Variants in MACROD2 observed in about 807,000 individuals in gnomAD.
The protein encoded by MACROD2 is mono-ADP ribosylhydrolase 2, also known as ADP-ribose glycohydrolase MACROD2.
A neutral mutation model predicts 70.4 loss-of-function variants in MACROD2; 36 were observed. The ratio of observed to expected loss-of-function variants is 0.51; its 90% CI spans 0.39 to 0.68. The LOEUF is 0.68. Ranked by LOEUF, MACROD2 falls within the 30% of genes least tolerant of loss-of-function variation. The probability of loss-of-function intolerance (pLI) is 0.00; values close to 1 mark genes in which losing one functional copy is unlikely to be tolerated. For synonymous variants in MACROD2, 172 were observed against 178.8 expected, an observed-to-expected ratio of 0.96 and a Z score of 0.30; for missense variants, 496 against 538.4, an observed-to-expected ratio of 0.92 and a Z score of 0.78.
chr20:15,842,886 T>A (rs2064189384), intron 8 of MACROD2, among the ~76,000 whole-genome samples: 2 of 152,308 alleles, frequency 1.3e-5, no homozygotes, highest in South Asian at 4.1e-4. Context: ...CTTTAGTTGA[T>A]AAGCTAGGTG....
intron 8 of MACROD2, among the ~76,000 whole-genome samples, chr20:15,795,862 CA>C (rs2063668435): frequency 6.6e-6 from 1 of 152,160 alleles, no homozygotes; most frequent in Non-Finnish European, 1.5e-5. Flanking sequence ...TCAATCAGCC[CA>C]AAAGGCCTCC....
intron 3 of MACROD2, among the ~76,000 whole-genome samples, chr20:14,456,899 A>G (rs2084309727): frequency 6.6e-6 from 1 of 151,682 alleles, no homozygotes; most frequent in Non-Finnish European, 1.5e-5. Context: ...TTGTATTTTT[A>G]GTAGAGACGG....
intron 3 of MACROD2, among the ~76,000 whole-genome samples, chr20:14,374,056 G>A (rs181159382): frequency 1.3e-5 from 2 of 151,992 alleles, no homozygotes; most frequent in East Asian, 1.9e-4. Flanking sequence ...ATTTACTTGC[G>A]ATTGTGTAGA....
At chr20:15,327,582 T>C (rs1272700250) in intron 6 of MACROD2, among the ~76,000 whole-genome samples, 2 of 152,044 alleles carry the variant, frequency 1.3e-5, no homozygotes, top group African/African-American at 4.8e-5. Context: ...TCACGAGAAC[T>C]CACTCACTAT....
At chr20:15,470,409 C>T (rs933429749) in intron 7 of MACROD2, among the ~76,000 whole-genome samples, 15 of 152,164 alleles carry the variant, frequency 9.9e-5, no homozygotes, top group Non-Finnish European at 2.1e-4. Context: ...TTTGTTTCAC[C>T]TTGTCACTGT....
intron 4 of MACROD2, among the ~76,000 whole-genome samples, chr20:14,644,935 A>G (rs1356974543): frequency 6.6e-6 from 1 of 152,180 alleles, no homozygotes; most frequent in Non-Finnish European, 1.5e-5. Flanking sequence ...GAAACAAATA[A>G]TATGATGACT....
intron 8 of MACROD2, among the ~76,000 whole-genome samples, chr20:15,519,784 T>C (rs2047626358): frequency 6.6e-6 from 1 of 152,214 alleles, no homozygotes; most frequent in South Asian, 2.1e-4. Context: ...CTTATCTCCC[T>C]CTGTCCACTC....
chr20:15,250,111 A>G (rs901158930), intron 6 of MACROD2, among the ~76,000 whole-genome samples: 2 of 152,222 alleles, frequency 1.3e-5, no homozygotes, highest in African/African-American at 4.8e-5. Context: ...AGGTCCAGGA[A>G]GGTCATCATG....
intron 8 of MACROD2, among the ~76,000 whole-genome samples, chr20:15,640,366 G>GA (rs1440840152): frequency 6.6e-6 from 1 of 152,170 alleles, no homozygotes; most frequent in African/African-American, 2.4e-5. Flanking sequence ...AAGACGGTGA[G>GA]ACCCAGGTAC....
chr20:14,429,917 A>T (rs192729978), intron 3 of MACROD2, among the ~76,000 whole-genome samples: 113 of 152,264 alleles, frequency 7.4e-4, no homozygotes, highest in Middle Eastern at 6.8e-3. Flanking sequence ...TCACAGTAGT[A>T]ACTTCATCAT....
At chr20:16,032,542 GA>G (rs2067165401) in intron 15 of MACROD2, among the ~76,000 whole-genome samples, 3 of 151,396 alleles carry the variant, frequency 2.0e-5, no homozygotes, top group Admixed American at 1.3e-4. Context: ...GAGGGAAGGA[GA>G]AAGAAGGGAG....
At chr20:15,720,864 C>CT in intron 8 of MACROD2, among the ~76,000 whole-genome samples, 1 of 152,080 alleles carries the variant, frequency 6.6e-6, no homozygotes, top group Non-Finnish European at 1.5e-5. Context: ...GAGAGAAGTG[C>CT]TTTTTTCAGT....
intron 8 of MACROD2, among the ~76,000 whole-genome samples, chr20:15,757,780 C>T (rs1270718829): frequency 1.3e-5 from 2 of 152,086 alleles, no homozygotes; most frequent in South Asian, 2.1e-4. Context: ...GAACTCTTAC[C>T]TCTCTTCCTC....
At chr20:15,535,828 G>A (rs1045318975) in intron 8 of MACROD2, among the ~76,000 whole-genome samples, 1 of 152,092 alleles carries the variant, frequency 6.6e-6, no homozygotes, top group African/African-American at 2.4e-5. Flanking sequence ...AAATAAATTG[G>A]CAACCAGAAA....
At chr20:15,411,664 A>G (rs2046080779) in intron 6 of MACROD2, among the ~76,000 whole-genome samples, 1 of 152,234 alleles carries the variant, frequency 6.6e-6, no homozygotes, top group Non-Finnish European at 1.5e-5. Context: ...ATAATGCTAT[A>G]TCTATAAATT....
At chr20:15,678,580 C>T (rs1365500893) in intron 8 of MACROD2, among the ~76,000 whole-genome samples, 1 of 152,118 alleles carries the variant, frequency 6.6e-6, no homozygotes, top group Non-Finnish European at 1.5e-5. Context: ...AGGATGGTCT[C>T]AATCTCCTGA....
intron 6 of MACROD2, among the ~76,000 whole-genome samples, chr20:15,234,275 G>A (rs1196840976): frequency 6.7e-6 from 1 of 149,686 alleles, no homozygotes; most frequent in African/African-American, 2.5e-5. Context: ...CTCGTGATCC[G>A]CCCGCCTCGG....
intron 8 of MACROD2, among the ~76,000 whole-genome samples, chr20:15,772,741 A>G (rs2051656988): frequency 6.6e-6 from 1 of 152,148 alleles, no homozygotes; most frequent in Non-Finnish European, 1.5e-5. Context: ...AAACATTTGT[A>G]AAACCATCAA....
At chr20:15,260,751 C>A (rs1322649115) in intron 6 of MACROD2, among the ~76,000 whole-genome samples, 2 of 151,884 alleles carry the variant, frequency 1.3e-5, no homozygotes, top group African/African-American at 2.4e-5. Context: ...AAGGCTCCTC[C>A]CCTCTCTCCA....
Sources: allele counts gnomAD v4.1 joint callset (sites outside exome capture counted in the v4.1 genomes callset), GRCh38; gene constraint gnomAD v4.1.1; transcripts MANE v1.5; gene names NCBI Gene and HGNC (gene_info 2026-07-23, HGNC 2026-07-21).